PTPRT: variants seen among roughly 807,000 people sequenced by gnomAD.
PTPRT encodes the protein receptor-type tyrosine-protein phosphatase T.
In PTPRT, 56 loss-of-function variants were observed where a neutral mutation model predicts 176.8. That is an observed-to-expected ratio of 0.32 (90% CI 0.26 to 0.40). The LOEUF (loss-of-function observed/expected upper bound fraction) is 0.40, where lower values mean the gene tolerates loss of function less well. PTPRT is among the 10% of genes least tolerant of loss of function. The pLI is 1.00. For synonymous variants in PTPRT, 783 were observed against 739.0 expected, an observed-to-expected ratio of 1.06 and a Z score of -0.96; for missense variants, 1,540 against 1,908.2, an observed-to-expected ratio of 0.81 and a Z score of 3.60.
intron 7 of PTPRT, among the ~76,000 whole-genome samples, chr20:42,650,520 T>G (rs755919753): frequency 2.0e-5 from 3 of 152,186 alleles, no homozygotes; most frequent in African/African-American, 4.8e-5. Context: ...AATCAGGGAT[T>G]GGACTAAACT....
At chr20:43,064,002 G>A (rs1987576213) in intron 1 of PTPRT, among the ~76,000 whole-genome samples, 1 of 151,574 alleles carries the variant, frequency 6.6e-6, no homozygotes, top group East Asian at 1.9e-4. Context: ...ATTTACCCGT[G>A]GACTTTCCAT....
rs373857758 is a variant in PTPRT, at chr20:42,165,986, T to G, written c.2492-4444A>C. ...ATATGTCTGAAATAATATTTCAACA[T>G]ATAATCACAAAAATTATTAATGCTA... On this transcript the variant is annotated intron_variant, in intron 16 of 30. Coordinates refer to ENST00000373187, the MANE Select transcript of PTPRT (RefSeq NM_007050.6). Among the ~76,000 whole-genome samples, 39 of 152,386 alleles carry G rather than the reference T, an allele frequency of 2.6e-4. 2 individuals carry two copies. The East Asian group carries it at 7.1e-3, about 28-fold the overall frequency.
At chr20:43,144,652 C>T (rs746621993) in intron 1 of PTPRT, among the ~76,000 whole-genome samples, 12 of 152,068 alleles carry the variant, frequency 7.9e-5, no homozygotes, top group Non-Finnish European at 1.5e-4. Context: ...TTAACGGTTG[C>T]CTGGGGCTGG....
At chr20:42,161,288 GGCTTTAGTGCCCAAATAA>G in intron 17 of PTPRT, 46 bp downstream of exon 17, 2 of 1,588,442 alleles carry the variant, frequency 1.3e-6, no homozygotes, top group South Asian at 2.2e-5. Context: ...TTTGTAGCAA[GGCTTTAGTGCCCAAATAA>G]GCCTCTGAAA....
At chr20:42,652,071 C>CA (rs1161229544) in intron 7 of PTPRT, among the ~76,000 whole-genome samples, 80 of 140,884 alleles carry the variant, frequency 5.7e-4, no homozygotes, top group African/African-American at 1.3e-3. Flanking sequence ...CAAAAACAAA[C>CA]AAAAAAAACA....
Position 42,677,872 on chromosome 20 carries a change from A to C in PTPRT, c.1147T>G (p.Cys383Gly), listed in dbSNP as rs1400522019. The change falls in exon 7 of 31, where the codon TGT (cysteine) becomes GGT (glycine). Residue 383 changes from cysteine (C) to glycine (G), a missense_variant. Coordinates refer to ENST00000373187, the MANE Select transcript of PTPRT (RefSeq NM_007050.6). The stretch of plus-strand genomic sequence containing the variant: ...GGAAAAAAAAAAATCTTACCTGCAC[A>C]CTTGGTCCTGGTGGTGAGGGGAGGC... Reference protein sequence around the residue: ...PGPPLTTRTKCADPVHGPQNV... With the variant: ...PGPPLTTRTKGADPVHGPQNV... 4 of 1,610,090 alleles carry C rather than the reference A, an allele frequency of 2.5e-6. No homozygotes were observed. The highest frequency in any genetic ancestry group is 3.4e-5 in the Admixed American group (2 of 59,638).
intron 1 of PTPRT, among the ~76,000 whole-genome samples, chr20:42,970,104 A>G (rs1250874045): frequency 6.6e-6 from 1 of 152,162 alleles, no homozygotes; most frequent in Non-Finnish European, 1.5e-5. Context: ...TGCCCCTGCT[A>G]GCTGGTCTCA....
At chr20:42,329,450 C>A (rs560180087) in intron 11 of PTPRT, among the ~76,000 whole-genome samples, 1 of 149,996 alleles carries the variant, frequency 6.7e-6, no homozygotes, top group South Asian at 2.1e-4. Flanking sequence ...TCTAATGGAA[C>A]AGTATAAACC....
At chr20:42,235,255 T>C (rs1454655939) in intron 15 of PTPRT, among the ~76,000 whole-genome samples, 1 of 150,886 alleles carries the variant, frequency 6.6e-6, no homozygotes, top group Non-Finnish European at 1.5e-5. Flanking sequence ...TTGTTATTTA[T>C]TATTATTATT....
chr20:43,049,551 A>G (rs1157025452), intron 1 of PTPRT, among the ~76,000 whole-genome samples: 1 of 152,220 alleles, frequency 6.6e-6, no homozygotes, highest in African/African-American at 2.4e-5. Flanking sequence ...GGTAGACCCA[A>G]GGCTTTGGAG....
chr20:42,138,186 C>T (rs1988459798), intron 18 of PTPRT, among the ~76,000 whole-genome samples: 2 of 152,234 alleles, frequency 1.3e-5, no homozygotes, highest in African/African-American at 4.8e-5. Context: ...CTGCTGTAGG[C>T]ATTATACTTT....
chr20:42,169,403 G>T (rs1471244787), intron 16 of PTPRT, among the ~76,000 whole-genome samples: 1 of 152,052 alleles, frequency 6.6e-6, no homozygotes, highest in African/African-American at 2.4e-5. Flanking sequence ...TGGAAGGATG[G>T]TGTTAGACAC....
chr20:42,607,766 G>A (rs1299662171), intron 7 of PTPRT, among the ~76,000 whole-genome samples: 3 of 152,170 alleles, frequency 2.0e-5, no homozygotes, highest in Non-Finnish European at 4.4e-5. Context: ...TGCACAGCGG[G>A]GGAGCCTGAA....
chr20:42,363,306 T>A (rs1272220860), intron 9 of PTPRT, among the ~76,000 whole-genome samples: 81 of 82,532 alleles, frequency 9.8e-4, no homozygotes, highest in South Asian at 1.8e-3. Flanking sequence ...ATATATTTTT[T>A]TTTTTTTTTT....
chr20:43,093,986 TA>T (rs2146311495), intron 1 of PTPRT, among the ~76,000 whole-genome samples: 1 of 152,210 alleles, frequency 6.6e-6, no homozygotes, highest in South Asian at 2.1e-4. Flanking sequence ...AGGCCACCAT[TA>T]AAAATGAGCC....
intron 12 of PTPRT, among the ~76,000 whole-genome samples, chr20:42,290,933 C>T (rs2057307236): frequency 6.6e-6 from 1 of 152,108 alleles, no homozygotes; most frequent in Non-Finnish European, 1.5e-5. Flanking sequence ...CCCTAGGTAC[C>T]TGGCTAATAC....
intron 2 of PTPRT, among the ~76,000 whole-genome samples, chr20:42,802,953 C>T (rs1232763852): frequency 6.6e-6 from 1 of 152,210 alleles, no homozygotes; most frequent in African/African-American, 2.4e-5. Context: ...TTAAATGTGT[C>T]TGTATGTTAC....
intron 1 of PTPRT, chr20:42,969,799 G>A (rs1982513748): frequency 6.6e-6 from 1 of 151,902 alleles, no homozygotes; most frequent in African/African-American, 2.4e-5. Flanking sequence ...TTGATTTAAG[G>A]GTGCTACCAC....
chr20:42,918,240 G>C (rs979733185), intron 1 of PTPRT, among the ~76,000 whole-genome samples: 2 of 152,036 alleles, frequency 1.3e-5, no homozygotes, highest in African/African-American at 4.8e-5. Flanking sequence ...AGCTGCTGTT[G>C]GCAGGGTTGA....
Sources: gnomAD v4.1 joint callset for allele counts (sites outside exome capture counted in the v4.1 genomes callset) on GRCh38, gnomAD v4.1.1 for gene constraint, MANE v1.5 for transcripts, NCBI Gene and HGNC (gene_info 2026-07-23, HGNC 2026-07-21) for gene names.